FOXJ3: variants seen among roughly 807,000 people sequenced by gnomAD.
FOXJ3 encodes the protein forkhead box J3, also known as forkhead box protein J3.
A neutral mutation model predicts 76.1 loss-of-function variants in FOXJ3; 22 were observed. That is an observed-to-expected ratio of 0.29 (90% CI 0.21 to 0.41). FOXJ3 has a LOEUF of 0.41. FOXJ3 is among the 10% of genes least tolerant of loss of function. The pLI is 1.00. For missense variants in FOXJ3, 613 were observed against 762.1 expected (o/e 0.80, Z 2.30); for synonymous variants, 269 against 261.2 (o/e 1.03, Z -0.29).
chr1:42,182,451 G>A (rs761785156), intron 11 of FOXJ3, among the ~76,000 whole-genome samples: 108 of 152,296 alleles, frequency 7.1e-4, no homozygotes, highest in Non-Finnish European at 7.2e-4. Flanking sequence ...CTTGCCCAAA[G>A]ACACATTAGT....
At chr1:42,300,461 T>C (rs1654066857) in intron 2 of FOXJ3, among the ~76,000 whole-genome samples, 1 of 152,114 alleles carries the variant, frequency 6.6e-6, no homozygotes, top group South Asian at 2.1e-4. Flanking sequence ...ACAAAGCTTA[T>C]TTTTTTGGCA....
chr1:42,295,817 G>A (rs1375319882), intron 2 of FOXJ3, among the ~76,000 whole-genome samples: 9 of 152,198 alleles, frequency 5.9e-5, no homozygotes, highest in East Asian at 1.9e-4. Flanking sequence ...ATGACCCACC[G>A]CACCTGTCCA....
intron 5 of FOXJ3, among the ~76,000 whole-genome samples, chr1:42,222,107 A>AGAAGAAGAAGAAGAAGAAGAAGAG (rs1557649859): frequency 6.7e-6 from 1 of 148,954 alleles, no homozygotes; most frequent in Non-Finnish European, 1.5e-5. Flanking sequence ...AAGAAGAAGA[A>AGAAGAAGAAGAAGAAGAAGAAGAG]GAAATAAAAA....
At chr1:42,269,781 C>A (rs190990687) in intron 3 of FOXJ3, among the ~76,000 whole-genome samples, 1 of 152,126 alleles carries the variant, frequency 6.6e-6, no homozygotes, top group Non-Finnish European at 1.5e-5. Context: ...TAAAACAAAT[C>A]TATCACTAAA....
rs142650609 is a variant in FOXJ3 at position 42,324,003 on chromosome 1, G to A, written c.-18+11056C>T. ...TGAATGATTAACTCTTAAAATTCTA[G>A]GAACTACTAAATATATATAGTATAT... On this transcript the variant is annotated intron_variant, in intron 1 of 12. Coordinates refer to ENST00000361346, the MANE Select transcript of FOXJ3 (RefSeq NM_014947.5). Among the ~76,000 whole-genome samples, 583 of 139,128 alleles carry A rather than the reference G, an allele frequency of 4.2e-3. 3 individuals are homozygous for A. Among genetic ancestry groups the A allele is most frequent in the African/African-American group, 0.015 (560 of 37,334 alleles). 91.3% of individuals were successfully genotyped at this position (139,128 alleles called of 152,430 possible).
chr1:42,306,834 T>A (rs1654504472), intron 2 of FOXJ3, among the ~76,000 whole-genome samples: 1 of 152,232 alleles, frequency 6.6e-6, no homozygotes, highest in Non-Finnish European at 1.5e-5. Context: ...CTAAATCTCA[T>A]AAATACTAGC....
At chr1:42,288,899 A>G (rs1178736678) in intron 2 of FOXJ3, among the ~76,000 whole-genome samples, 1 of 152,218 alleles carries the variant, frequency 6.6e-6, no homozygotes, top group Non-Finnish European at 1.5e-5. Flanking sequence ...GTTACTTTAC[A>G]TAAAACTTGT....
intron 5 of FOXJ3, among the ~76,000 whole-genome samples, chr1:42,222,935 T>C (rs1647276296): frequency 6.6e-6 from 1 of 152,236 alleles, no homozygotes; most frequent in Non-Finnish European, 1.5e-5. Context: ...CTAAGCCACA[T>C]AACCTATGAA....
chr1:42,248,583 CA>C (rs1649738763), intron 4 of FOXJ3, among the ~76,000 whole-genome samples: 1 of 150,978 alleles, frequency 6.6e-6, no homozygotes, highest in Admixed American at 6.6e-5. Context: ...AATTTTTTCT[CA>C]ATAAAAAACA....
chr1:42,264,968 A>C lies in FOXJ3; in HGVS notation c.444+147T>G, dbSNP rs1232982302. The C allele has an allele frequency of 5.8e-6, 4 of 694,396 alleles. No homozygotes were observed. The Admixed American group carries it at 9.7e-5, about 17-fold the overall frequency. The allele number at this position is 694,396 out of a possible 1,614,324, so 43.0% of individuals were successfully genotyped here. The stretch of plus-strand genomic sequence containing the variant: ...TACACTAGTTAGGTTCCCACAGCTT[A>C]AAACTCTCTAACAAGCTTTAGAGCA... On this transcript the variant is annotated intron_variant, in intron 4 of 12. Coordinates refer to ENST00000361346, the MANE Select transcript of FOXJ3 (RefSeq NM_014947.5).
chr1:42,312,244 G>A (rs1489921158), intron 1 of FOXJ3, among the ~76,000 whole-genome samples: 3 of 152,148 alleles, frequency 2.0e-5, no homozygotes, highest in Non-Finnish European at 4.4e-5. Context: ...AAAAAATACA[G>A]ATGGGGTTTT....
intron 5 of FOXJ3, among the ~76,000 whole-genome samples, chr1:42,222,684 A>G (rs1487261849): frequency 6.6e-6 from 1 of 152,278 alleles, no homozygotes; most frequent in East Asian, 1.9e-4. Context: ...TTTCTACCCA[A>G]TACCTTTAAT....
At chr1:42,210,510 A>G (rs1166588197) in intron 5 of FOXJ3, among the ~76,000 whole-genome samples, 1 of 152,178 alleles carries the variant, frequency 6.6e-6, no homozygotes, top group African/African-American at 2.4e-5. Context: ...TGCAGGGACA[A>G]TAACACCACT....
intron 4 of FOXJ3, among the ~76,000 whole-genome samples, chr1:42,237,051 T>G (rs1648698981): frequency 6.6e-6 from 1 of 152,104 alleles, no homozygotes; most frequent in South Asian, 2.1e-4. Flanking sequence ...AAATATCTTT[T>G]GCCCATGTTT....
In FOXJ3 at chr1:42,291,025, TATAGATAGATAGATAG is replaced by T. The variant is rs80123722; in HGVS notation, c.45-12369_45-12354del. Among the ~76,000 whole-genome samples, 435 of 134,324 alleles carry T rather than the reference TATAGATAGATAGATAG, an allele frequency of 3.2e-3. 3 individuals are homozygous for T. Among genetic ancestry groups the T allele is most frequent in the African/African-American group, 0.01 (357 of 35,270 alleles). 88.1% of individuals were successfully genotyped at this position (134,324 alleles called of 152,430 possible). A position where few individuals can be genotyped will look rare whatever the true frequency, so the allele number is the denominator to read the frequency against. On this transcript the variant is annotated intron_variant, in intron 2 of 12. Coordinates refer to ENST00000361346, the MANE Select transcript of FOXJ3 (RefSeq NM_014947.5). ...AGAACAGAGTCCAAGAAAAGACCCA[TATAGATAGATAGATAG>T]ATAGATAGATAGATAGATAGATAGA...
At chr1:42,242,954 T>C (rs1198154353) in intron 4 of FOXJ3, among the ~76,000 whole-genome samples, 1 of 65,468 alleles carries the variant, frequency 1.5e-5, no homozygotes, top group Non-Finnish European at 3.5e-5. Flanking sequence ...AAAAAACTAG[T>C]CTATTATAAG....
intron 1 of FOXJ3, among the ~76,000 whole-genome samples, chr1:42,325,093 T>C (rs1299769863): frequency 6.6e-6 from 1 of 152,224 alleles, no homozygotes; most frequent in African/African-American, 2.4e-5. Flanking sequence ...ATGTCTATTA[T>C]GTATCACACA....
At chr1:42,278,255 T>G (rs1015370478) in intron 3 of FOXJ3, 93 bp downstream of exon 3, 5 of 946,308 alleles carry the variant, frequency 5.3e-6, no homozygotes, top group South Asian at 5.2e-5. Context: ...AATTTCATAT[T>G]CAATTACATG....
intron 11 of FOXJ3, among the ~76,000 whole-genome samples, chr1:42,185,289 G>A (rs975435368): frequency 6.4e-5 from 8 of 124,236 alleles, no homozygotes; most frequent in Admixed American, 9.9e-5. Flanking sequence ...ATGGAGTCTC[G>A]CTCTGTCGCC....
Sources: allele counts gnomAD v4.1 joint callset (sites outside exome capture counted in the v4.1 genomes callset), GRCh38; gene constraint gnomAD v4.1.1; transcripts MANE v1.5; gene names NCBI Gene and HGNC (gene_info 2026-07-23, HGNC 2026-07-21).